HIP1: variants seen among roughly 807,000 people sequenced by gnomAD.
The protein encoded by HIP1 is huntingtin interacting protein 1, also known as huntingtin-interacting protein 1.
A neutral mutation model predicts 147.6 loss-of-function variants in HIP1; 65 were observed. The ratio of observed to expected loss-of-function variants is 0.44; its 90% CI spans 0.36 to 0.54. The LOEUF is 0.54. HIP1 is among the 20% of genes least tolerant of loss of function. The pLI is 0.00. For synonymous variants in HIP1, 479 were observed against 504.0 expected, an observed-to-expected ratio of 0.95 and a Z score of 0.67; for missense variants, 1,061 against 1,299.6, an observed-to-expected ratio of 0.82 and a Z score of 2.82.
intron 1 of HIP1, among the ~76,000 whole-genome samples, chr7:75,692,133 T>C (rs1333516098): frequency 6.6e-6 from 1 of 152,200 alleles, no homozygotes; most frequent in South Asian, 2.1e-4. Flanking sequence ...CAGTTTCCGT[T>C]GTCTCCCCCC....
intron 9 of HIP1, among the ~76,000 whole-genome samples, chr7:75,566,406 A>G (rs1554495489): frequency 6.6e-6 from 1 of 151,576 alleles, no homozygotes; most frequent in African/African-American, 2.4e-5. Flanking sequence ...CTCCATACGC[A>G]GTGAGCCCAG....
intron 27 of HIP1, among the ~76,000 whole-genome samples, chr7:75,543,745 C>T (rs1338243572): frequency 6.6e-6 from 1 of 152,136 alleles, no homozygotes; most frequent in Non-Finnish European, 1.5e-5. Flanking sequence ...TCTTGAATGC[C>T]AGGACTGCTA....
rs782443138 is a variant in HIP1, at chr7:75,547,050, C to A, written c.2466-18G>T. The stretch of plus-strand genomic sequence containing the variant: ...CAAGGATCCTGCCAAACAAACAAGT[C>A]GAGGATACACTGAGATCAAGATCCA... On this transcript the variant is annotated intron_variant, in intron 24 of 30. Coordinates refer to ENST00000336926, the MANE Select transcript of HIP1 (RefSeq NM_005338.7). 1 of 1,548,334 alleles carries A rather than the reference C, an allele frequency of 6.5e-7. No homozygotes were observed. The highest frequency in any genetic ancestry group is 1.2e-5 in the South Asian group (1 of 84,698).
At chr7:75,630,785 C>T (rs1798186352) in intron 1 of HIP1, among the ~76,000 whole-genome samples, 1 of 152,164 alleles carries the variant, frequency 6.6e-6, no homozygotes, top group Non-Finnish European at 1.5e-5. Context: ...GGTCTGATTG[C>T]CCCGGCAGAC....
chr7:75,627,164 T>G (rs142733400), intron 1 of HIP1, among the ~76,000 whole-genome samples: 201 of 152,232 alleles, frequency 1.3e-3, no homozygotes, highest in African/African-American at 4.7e-3. Flanking sequence ...CTCAAGGCTA[T>G]CTCTCCTCGG....
intron 1 of HIP1, among the ~76,000 whole-genome samples, chr7:75,667,781 G>A (rs185758571): frequency 6.6e-6 from 1 of 152,330 alleles, no homozygotes; most frequent in Admixed American, 6.5e-5. Context: ...ATGAGCCACT[G>A]CACCCGGCAG....
chr7:75,735,677 C>CTTTTCT (rs1331883025), intron 1 of HIP1, among the ~76,000 whole-genome samples: 5 of 150,942 alleles, frequency 3.3e-5, no homozygotes, highest in African/African-American at 9.8e-5. Flanking sequence ...CTTTTCTTTT[C>CTTTTCT]TTTTCTTTTT....
At chr7:75,546,858 G>A (rs980923461) in intron 25 of HIP1, 81 bp downstream of exon 25, 11 of 966,416 alleles carry the variant, frequency 1.1e-5, no homozygotes, top group South Asian at 7.1e-5. Context: ...AGAGTAAGAC[G>A]GCAGCATCAC....
chr7:75,576,484 G>A (rs1554497733), intron 7 of HIP1, among the ~76,000 whole-genome samples: 1 of 152,200 alleles, frequency 6.6e-6, no homozygotes, highest in African/African-American at 2.4e-5. Flanking sequence ...CACTTTGGGA[G>A]GCTGAGGTGG....
At chr7:75,571,980 T>C (rs1055770177) in intron 8 of HIP1, among the ~76,000 whole-genome samples, 4 of 151,968 alleles carry the variant, frequency 2.6e-5, no homozygotes, top group Non-Finnish European at 4.4e-5. Flanking sequence ...GAGGCTGAGG[T>C]GGGCGGATCA....
In HIP1 at chr7:75,707,452, T is replaced by C. The variant is rs1461316660; in HGVS notation, c.120+31349A>G. Among the ~76,000 whole-genome samples the C allele has an allele frequency of 2.1e-3, 232 of 112,302 alleles. 1 individual carries two copies. Among genetic ancestry groups the C allele is most frequent in the Middle Eastern group, 3.7e-3 (1 of 270 alleles). The allele number at this position is 112,302 out of a possible 152,430, so 73.7% of individuals were successfully genotyped here. On this transcript the variant is annotated intron_variant, in intron 1 of 30. Coordinates refer to ENST00000336926, the MANE Select transcript of HIP1 (RefSeq NM_005338.7). Reference sequence around the variant, plus strand: ...TCTTCTTTTGAGAAGTGTCTGTTCATGTCCTTCGCCCACTTTTTGATGGGG... The same window carrying C: ...TCTTCTTTTGAGAAGTGTCTGTTCACGTCCTTCGCCCACTTTTTGATGGGG...
intron 1 of HIP1, among the ~76,000 whole-genome samples, chr7:75,624,047 C>T (rs1320543161): frequency 6.6e-6 from 1 of 152,206 alleles, no homozygotes; most frequent in Non-Finnish European, 1.5e-5. Flanking sequence ...TGCCACTGCA[C>T]TCCGGCCTGG....
At chr7:75,601,651 G>T (rs372552999) in intron 1 of HIP1, among the ~76,000 whole-genome samples, 1 of 151,490 alleles carries the variant, frequency 6.6e-6, no homozygotes, top group African/African-American at 2.4e-5. Context: ...AGAAAGAAAA[G>T]AAATCTTATT....
At chr7:75,636,184 A>T (rs587669895) in intron 1 of HIP1, among the ~76,000 whole-genome samples, 2 of 152,036 alleles carry the variant, frequency 1.3e-5, no homozygotes, top group South Asian at 2.1e-4. Context: ...TCTACTAAAA[A>T]TACAAAAATT....
At chr7:75,650,025 G>A (rs1272836917) in intron 1 of HIP1, among the ~76,000 whole-genome samples, 1 of 152,160 alleles carries the variant, frequency 6.6e-6, no homozygotes, top group African/African-American at 2.4e-5. Flanking sequence ...ATATGGAGAT[G>A]CCAGGTGCAC....
At position 75,600,730 on chromosome 7, in the gene HIP1, G is replaced by C. The variant is rs111606369; in HGVS notation, c.121-1483C>G. 4.2e-3 allele frequency among the ~76,000 whole-genome samples: 633 copies of C among 152,054 alleles called. 8 individuals carry two copies. Among genetic ancestry groups the C allele is most frequent in the African/African-American group, 0.014 (599 of 41,490 alleles). On this transcript the variant is annotated intron_variant, in intron 1 of 30. Coordinates refer to ENST00000336926, the MANE Select transcript of HIP1 (RefSeq NM_005338.7). ...TATCTCCCGGAAAATTCTGCAAAGGGGCTGAAAAAACTCTAGTTTTTATTA... is the reference window on the plus strand; with the variant it reads ...TATCTCCCGGAAAATTCTGCAAAGGCGCTGAAAAAACTCTAGTTTTTATTA...
At chr7:75,705,461 G>C (rs938097482) in intron 1 of HIP1, among the ~76,000 whole-genome samples, 1 of 150,846 alleles carries the variant, frequency 6.6e-6, no homozygotes, top group Non-Finnish European at 1.5e-5. Flanking sequence ...TCCGCCTCCC[G>C]AGTTCAAGTG....
intron 1 of HIP1, among the ~76,000 whole-genome samples, chr7:75,600,120 T>C (rs1219124095): frequency 6.6e-6 from 1 of 150,896 alleles, no homozygotes; most frequent in Non-Finnish European, 1.5e-5. Context: ...GCCTTGTTTT[T>C]TTCTCTTTTG....
At chr7:75,593,673 C>T (rs1317241471) in intron 2 of HIP1, among the ~76,000 whole-genome samples, 1 of 151,216 alleles carries the variant, frequency 6.6e-6, no homozygotes, top group Non-Finnish European at 1.5e-5. Context: ...TTCTGCTCCT[C>T]ATCAAGGACC....
Sources: gnomAD v4.1 joint callset for allele counts (sites outside exome capture counted in the v4.1 genomes callset) on GRCh38, gnomAD v4.1.1 for gene constraint, MANE v1.5 for transcripts, NCBI Gene and HGNC (gene_info 2026-07-23, HGNC 2026-07-21) for gene names.